Variants in UNC13B observed in about 807,000 individuals in gnomAD.
UNC13B encodes protein unc-13 homolog B.
A neutral mutation model predicts 211.0 loss-of-function variants in UNC13B; 144 were observed. That is an observed-to-expected ratio of 0.68 (90% CI 0.60 to 0.78). UNC13B has a LOEUF of 0.78. Ranked by LOEUF, UNC13B falls within the 30% of genes least tolerant of loss-of-function variation. The probability of loss-of-function intolerance (pLI) is 0.00; values close to 1 mark genes in which losing one functional copy is unlikely to be tolerated. For missense variants in UNC13B, 1,777 were observed against 2,002.0 expected, an observed-to-expected ratio of 0.89 and a Z score of 2.14; for synonymous variants, 709 against 725.8, an observed-to-expected ratio of 0.98 and a Z score of 0.37.
chr9:35,206,537 G>A (rs1823656586), intron 1 of UNC13B, among the ~76,000 whole-genome samples: 1 of 152,066 alleles, frequency 6.6e-6, no homozygotes, highest in Non-Finnish European at 1.5e-5. Flanking sequence ...TCCATATGGT[G>A]GTTTGTATCA....
chr9:35,207,040 C>T (rs1448067270), intron 1 of UNC13B, among the ~76,000 whole-genome samples: 6 of 152,128 alleles, frequency 3.9e-5, no homozygotes, highest in African/African-American at 1.2e-4. Flanking sequence ...TGGCATATTT[C>T]TGTGTGCACT....
intron 23 of UNC13B, 80 bp downstream of exon 23, chr9:35,385,893 A>T (rs1400490942): frequency 6.5e-7 from 1 of 1,539,820 alleles, no homozygotes; most frequent in Non-Finnish European, 8.8e-7. Flanking sequence ...ATCATTGGGC[A>T]GAGTCTGAGG....
In UNC13B at chr9:35,300,308, A is replaced by G. The variant is rs1046769989; in HGVS notation, c.904A>G (p.Asn302Asp). 11 of 398,814 alleles carry G rather than the reference A, an allele frequency of 2.8e-5. No homozygotes were observed. Among genetic ancestry groups the G allele is most frequent in the African/African-American group, 1.6e-4 (8 of 48,642 alleles). The allele number at this position is 398,814 out of a possible 1,614,324, so 24.7% of individuals were successfully genotyped here. ...CAAAAGTACATATTCTAATACTGAA[A>G]ATTGTACCCTTTGCCATACTGAAAA... ...NYKSTYSNTE[N>D]CTLCHTEKKQ... Residue 302 changes from asparagine to aspartate, a missense_variant, in exon 9 of 40, where the codon AAT (asparagine) becomes GAT (aspartate). Coordinates refer to ENST00000635942, the MANE Select transcript of UNC13B (RefSeq NM_001371189.2).
At chr9:35,281,020 C>T (rs1339689086) in intron 7 of UNC13B, among the ~76,000 whole-genome samples, 4 of 152,162 alleles carry the variant, frequency 2.6e-5, no homozygotes, top group Admixed American at 1.3e-4. Flanking sequence ...GAGGCTGAGG[C>T]GGGTGGATCA....
At chr9:35,386,390 T>C (rs901670249) in intron 24 of UNC13B, 97 bp downstream of exon 24, 30 of 1,515,238 alleles carry the variant, frequency 2.0e-5, no homozygotes, top group Non-Finnish European at 2.5e-5. Flanking sequence ...CAGGACAAAG[T>C]ACTTGATGTT....
At chr9:35,402,100 C>A in intron 37 of UNC13B, 1 of 1,213,318 alleles carries the variant, frequency 8.2e-7, no homozygotes, top group Non-Finnish European at 1.2e-6. Flanking sequence ...GGTGGGGGAA[C>A]AAGCTGTCAA....
chr9:35,313,496 G>A (rs892191055), intron 10 of UNC13B, among the ~76,000 whole-genome samples: 2 of 151,926 alleles, frequency 1.3e-5, no homozygotes, highest in Admixed American at 1.3e-4. Context: ...GTGGTGGCAC[G>A]CACCTGTAGT....
chr9:35,174,697 G>A (rs928177983), intron 1 of UNC13B, among the ~76,000 whole-genome samples: 9 of 152,058 alleles, frequency 5.9e-5, no homozygotes, highest in African/African-American at 1.9e-4. Context: ...ACAGGCGCCC[G>A]CCACCACGCC....
chr9:35,266,448 C>T (rs879625282), intron 7 of UNC13B, among the ~76,000 whole-genome samples: 29 of 152,176 alleles, frequency 1.9e-4, no homozygotes, highest in Admixed American at 1.8e-3. Flanking sequence ...TGCCTGTAAT[C>T]CCAGCACTTT....
intron 5 of UNC13B, among the ~76,000 whole-genome samples, chr9:35,238,243 A>G (rs1825623011): frequency 6.6e-6 from 1 of 152,242 alleles, no homozygotes; most frequent in African/African-American, 2.4e-5. Flanking sequence ...ATACATGCTC[A>G]TGATAAAAAT....
At chr9:35,332,246 A>T (rs1007149135) in intron 11 of UNC13B, among the ~76,000 whole-genome samples, 1 of 152,178 alleles carries the variant, frequency 6.6e-6, no homozygotes, top group African/African-American at 2.4e-5. Flanking sequence ...CACTGCACCC[A>T]GCCTCCCAAC....
Position 35,377,630 on chromosome 9 carries a change from T to A in UNC13B, c.9998T>A (p.Met3333Lys). 1 of 1,614,128 alleles carries A rather than the reference T, an allele frequency of 6.2e-7. No individual in the cohort carries two copies. Among genetic ancestry groups the A allele is most frequent in the South Asian group, 1.1e-5 (1 of 91,068 alleles). ...AACAAAGCTGCCCATGTGCAGCAGA[T>A]GAAAACAGTGAAGCAGAGTGTACTG... Reference protein sequence around the residue: ...TVNKAAHVQQMKTVKQSVLDG... With the variant: ...TVNKAAHVQQKKTVKQSVLDG... Residue 3333 changes from methionine to lysine, a missense_variant, in exon 16 of 40, where the codon ATG (methionine) becomes AAG (lysine). Transcript: ENST00000635942.
intron 1 of UNC13B, among the ~76,000 whole-genome samples, chr9:35,196,230 A>T (rs1048813555): frequency 6.6e-6 from 1 of 152,116 alleles, no homozygotes; most frequent in Non-Finnish European, 1.5e-5. Context: ...TGTATTTGGG[A>T]GGTGATACAC....
chr9:35,259,448 C>T (rs1827126462), intron 7 of UNC13B, among the ~76,000 whole-genome samples: 1 of 152,146 alleles, frequency 6.6e-6, no homozygotes. Flanking sequence ...TTCCATTTTA[C>T]TGTGTGCACA....
intron 11 of UNC13B, among the ~76,000 whole-genome samples, chr9:35,336,964 A>G (rs936232823): frequency 1.3e-5 from 2 of 152,234 alleles, no homozygotes; most frequent in South Asian, 2.1e-4. Flanking sequence ...GGAAACAGAA[A>G]GGATGAGATG....
In UNC13B at chr9:35,375,878, G is replaced by T. The variant is rs1026846888; in HGVS notation, c.9616-150G>T. The T allele has an allele frequency of 5.5e-6, 4 of 721,432 alleles. No individual in the cohort carries two copies. In the East Asian group the frequency reaches 1.1e-4, roughly 19 times the overall value. 44.7% of individuals were successfully genotyped at this position (721,432 alleles called of 1,614,324 possible). ...TGCATGTAATCCCAGCTACTTGGGGGCCAAGGCAGGAGAATTGCTTGAACC... is the reference window on the plus strand; with the variant it reads ...TGCATGTAATCCCAGCTACTTGGGGTCCAAGGCAGGAGAATTGCTTGAACC... On this transcript the variant is annotated intron_variant, in intron 14 of 39. Transcript: ENST00000635942.
intron 1 of UNC13B, among the ~76,000 whole-genome samples, chr9:35,204,130 C>T (rs1198328356): frequency 6.6e-6 from 1 of 152,246 alleles, no homozygotes; most frequent in Non-Finnish European, 1.5e-5. Flanking sequence ...GCTGCTGCTT[C>T]AGAGAGTGTA....
chr9:35,380,571 A>T lies in UNC13B; in HGVS notation c.10307A>T (p.Asp3436Val). 6.2e-7 allele frequency: 1 copy of T among 1,614,170 alleles called. No individual in the cohort carries two copies. The highest frequency in any genetic ancestry group is 1.3e-5 in the African/African-American group (1 of 75,042). Residue 3436 changes from aspartate to valine, a missense_variant, in exon 18 of 40, where the codon GAT becomes GTT. Asp to Val is a radical substitution (Grantham distance 152, BLOSUM62 -3). Transcript: ENST00000635942. ...VKQRLKRESD[D>V]FLGQTIIEVR... ...CAACGCCTAAAGCGAGAGTCTGATG[A>T]TTTCCTTGGCCAAACCATCATTGAG...
intron 7 of UNC13B, among the ~76,000 whole-genome samples, chr9:35,287,551 CT>C (rs1828869732): frequency 6.6e-6 from 1 of 152,134 alleles, no homozygotes; most frequent in African/African-American, 2.4e-5. Flanking sequence ...TTTTCTTCTT[CT>C]TTTTAAAATT....
Sources: gnomAD v4.1 joint callset for allele counts (sites outside exome capture counted in the v4.1 genomes callset) on GRCh38, gnomAD v4.1.1 for gene constraint, MANE v1.5 for transcripts, NCBI Gene and HGNC (gene_info 2026-07-23, HGNC 2026-07-21) for gene names.